Variants in TAS2R1 observed in about 807,000 individuals in gnomAD.
TAS2R1 encodes the protein taste 2 receptor member 1.
For missense variants in TAS2R1, 370 were observed against 353.4 expected (o/e 1.05, Z -0.38); for synonymous variants, 141 against 134.2 (o/e 1.05, Z -0.35).
At chr5:9,724,640 C>A in the TAS2R1 span, among the ~76,000 whole-genome samples, 1 of 152,098 alleles carries the variant, frequency 6.6e-6, no homozygotes, top group Admixed American at 6.6e-5. Flanking sequence ...TAATAACTGA[C>A]AAATCTCTGA....
chr5:9,706,886 C>T (rs992184444), intron 1 of TAS2R1, among the ~76,000 whole-genome samples: 2 of 152,170 alleles, frequency 1.3e-5, no homozygotes, highest in Non-Finnish European at 2.9e-5. Flanking sequence ...CTGGAGAAAG[C>T]TGGCCCTGAT....
chr5:9,902,977 G>A, the TAS2R1 span, among the ~76,000 whole-genome samples: 1 of 151,970 alleles, frequency 6.6e-6, no homozygotes, highest in Non-Finnish European at 1.5e-5. Flanking sequence ...TGTAGTAAGT[G>A]TATATATTTC....
chr5:9,778,713 A>G, the TAS2R1 span, among the ~76,000 whole-genome samples: 1 of 152,224 alleles, frequency 6.6e-6, no homozygotes, highest in African/African-American at 2.4e-5. Flanking sequence ...TCTAGCTTCC[A>G]ACTTTTCTCC....
At chr5:9,846,473 A>C in the TAS2R1 span, among the ~76,000 whole-genome samples, 1 of 152,184 alleles carries the variant, frequency 6.6e-6, no homozygotes, top group Non-Finnish European at 1.5e-5. Context: ...GTCTTAGAAC[A>C]CACTTCTCCT....
At chr5:9,831,124 A>T in the TAS2R1 span, among the ~76,000 whole-genome samples, 11 of 152,210 alleles carry the variant, frequency 7.2e-5, no homozygotes, top group African/African-American at 2.7e-4. Context: ...GCATAATATA[A>T]TTATAACTTC....
the TAS2R1 span, among the ~76,000 whole-genome samples, chr5:9,864,632 CA>C: frequency 4.4e-3 from 541 of 122,036 alleles, 2 homozygotes; most frequent in Admixed American, 4.7e-3. Flanking sequence ...AGACTCCACT[CA>C]AAAAAAAAAA....
chr5:9,779,566 G>C, the TAS2R1 span, among the ~76,000 whole-genome samples: 5 of 152,198 alleles, frequency 3.3e-5, no homozygotes, highest in African/African-American at 1.2e-4. Flanking sequence ...GAGAGGAAGA[G>C]AGATGGGGAA....
At chr5:9,817,115 G>A in the TAS2R1 span, among the ~76,000 whole-genome samples, 5 of 152,076 alleles carry the variant, frequency 3.3e-5, no homozygotes, top group African/African-American at 9.7e-5. Flanking sequence ...AAAAGTGAGC[G>A]GAATATCAGG....
At chr5:9,821,088 C>A in the TAS2R1 span, among the ~76,000 whole-genome samples, 2 of 152,164 alleles carry the variant, frequency 1.3e-5, no homozygotes, top group Non-Finnish European at 2.9e-5. Flanking sequence ...CCCTTGATAG[C>A]AGTGCAGGCC....
At chr5:9,683,624 G>T (rs949806338) in intron 1 of TAS2R1, among the ~76,000 whole-genome samples, 1 of 152,192 alleles carries the variant, frequency 6.6e-6, no homozygotes, top group African/African-American at 2.4e-5. Flanking sequence ...AGTGCCCTTG[G>T]CAGGCATTAC....
chr5:9,804,197 C>A, the TAS2R1 span, among the ~76,000 whole-genome samples: 1 of 152,048 alleles, frequency 6.6e-6, no homozygotes, highest in Non-Finnish European at 1.5e-5. Flanking sequence ...ATATCACAAT[C>A]CTAAATATAT....
chr5:9,875,685 T>C, the TAS2R1 span, among the ~76,000 whole-genome samples: 6 of 152,162 alleles, frequency 3.9e-5, no homozygotes, highest in African/African-American at 1.4e-4. Context: ...CTCAGATGTG[T>C]GGCTGCGCTC....
At chr5:9,822,418 T>C in the TAS2R1 span, among the ~76,000 whole-genome samples, 1 of 149,608 alleles carries the variant, frequency 6.7e-6, no homozygotes, top group Non-Finnish European at 1.5e-5. Context: ...GGCACAGTCT[T>C]GGCTCACTGC....
chr5:9,810,406 GT>G, the TAS2R1 span, among the ~76,000 whole-genome samples: 1 of 152,136 alleles, frequency 6.6e-6, no homozygotes, highest in Non-Finnish European at 1.5e-5. Flanking sequence ...TTCTCCATTT[GT>G]TTTGTGCTGT....
the TAS2R1 span, among the ~76,000 whole-genome samples, chr5:9,737,732 C>A: frequency 6.6e-6 from 1 of 152,184 alleles, no homozygotes; most frequent in Non-Finnish European, 1.5e-5. Flanking sequence ...ATCAATTTAA[C>A]CAGAGTCAGT....
chr5:9,641,682 T>TG (rs532265359), intron 2 of TAS2R1, among the ~76,000 whole-genome samples: 56 of 152,384 alleles, frequency 3.7e-4, no homozygotes, highest in African/African-American at 1.3e-3. Flanking sequence ...AAGCCACAGA[T>TG]GTTGGTCATG....
the TAS2R1 span, among the ~76,000 whole-genome samples, chr5:9,835,600 C>G: frequency 6.6e-6 from 1 of 152,222 alleles, no homozygotes; most frequent in Non-Finnish European, 1.5e-5. Flanking sequence ...TGACATCATA[C>G]AGCCAGACCT....
the TAS2R1 span, among the ~76,000 whole-genome samples, chr5:9,749,845 G>C: frequency 6.6e-6 from 1 of 152,172 alleles, no homozygotes; most frequent in Non-Finnish European, 1.5e-5. Context: ...TGTCCTCCAA[G>C]GCAATGTCTC....
At chr5:9,721,677 ATTAATTGACAGT>A in the TAS2R1 span, among the ~76,000 whole-genome samples, 5 of 152,354 alleles carry the variant, frequency 3.3e-5, no homozygotes, top group South Asian at 1.0e-3. Context: ...AATATTGCAA[ATTAATTGACAGT>A]TTAACTGCTT....
Sources: gnomAD v4.1 joint callset for allele counts (sites outside exome capture counted in the v4.1 genomes callset) on GRCh38, gnomAD v4.1.1 for gene constraint, MANE v1.5 for transcripts, NCBI Gene and HGNC (gene_info 2026-07-23, HGNC 2026-07-21) for gene names.